The following NRG1 variants were observed in gnomAD, a reference collection of about 807,000 sequenced individuals.
NRG1 encodes neuregulin 1, also known as pro-neuregulin-1, membrane-bound isoform.
A neutral mutation model predicts 63.8 loss-of-function variants in NRG1; 18 were observed. The observed-to-expected ratio is 0.28, with a 90% CI of 0.19 to 0.42. The LOEUF (loss-of-function observed/expected upper bound fraction) is 0.42. NRG1 is among the 10% of genes least tolerant of loss of function. The pLI is 1.00. For synonymous variants in NRG1, 302 were observed against 301.3 expected, an observed-to-expected ratio of 1.00 and a Z score of -0.02; for missense variants, 762 against 814.7, an observed-to-expected ratio of 0.94 and a Z score of 0.79.
intron 1 of NRG1, among the ~76,000 whole-genome samples, chr8:32,000,332 C>T (rs1812715205): frequency 6.6e-6 from 1 of 151,826 alleles, no homozygotes. Context: ...GCCTTAAATA[C>T]CTTGTCCTTG....
chr8:32,746,467 A>G (rs1005720273), intron 7 of NRG1, among the ~76,000 whole-genome samples: 5 of 152,178 alleles, frequency 3.3e-5, no homozygotes, highest in East Asian at 1.9e-4. Flanking sequence ...ATGGATATAT[A>G]ATTTTTGTAA....
chr8:32,546,181 C>T (rs1196048989), upstream of NRG1, among the ~76,000 whole-genome samples: 1 of 152,164 alleles, frequency 6.6e-6, no homozygotes, highest in Non-Finnish European at 1.5e-5. Context: ...ATCGTAGGCT[C>T]TTCCCCTATC....
intron 1 of NRG1, among the ~76,000 whole-genome samples, chr8:32,405,981 A>G (rs540557361): frequency 1.3e-5 from 2 of 152,292 alleles, no homozygotes; most frequent in East Asian, 3.9e-4. Context: ...AAAATAAAAT[A>G]TTTTAGGTAA....
chr8:32,051,373 C>T (rs943836957), intron 1 of NRG1, among the ~76,000 whole-genome samples: 3 of 152,050 alleles, frequency 2.0e-5, no homozygotes, highest in African/African-American at 4.8e-5. Flanking sequence ...TTATGGGGCA[C>T]ATGTGAGATT....
intron 1 of NRG1, among the ~76,000 whole-genome samples, chr8:32,329,772 A>G (rs546223281): frequency 6.6e-6 from 1 of 152,304 alleles, no homozygotes; most frequent in African/African-American, 2.4e-5. Flanking sequence ...TAAGGACACA[A>G]AAATATTTCA....
rs141991494 is a variant in NRG1, at chr8:31,695,295, G to A, written c.37+55864G>A. 8.9e-3 allele frequency among the ~76,000 whole-genome samples: 1,358 copies of A among 152,216 alleles called. 17 individuals are homozygous for A. Among genetic ancestry groups the A allele is most frequent in the African/African-American group, 0.031 (1,288 of 41,522 alleles). On this transcript the variant is annotated intron_variant, in intron 1 of 10. Transcript: ENST00000519301. ...AGTGATTCTTATGCCTCAGCCTCCC[G>A]AGTAGGTGGGATTAGAGGCATGCAC... is the stretch of plus-strand genomic sequence containing the variant.
At chr8:32,249,384 A>G (rs1848878402) in intron 1 of NRG1, among the ~76,000 whole-genome samples, 1 of 152,254 alleles carries the variant, frequency 6.6e-6, no homozygotes, top group East Asian at 1.9e-4. Context: ...CATTTAAGCC[A>G]TGGGTCAAGA....
chr8:32,423,292 G>T (rs1050448082), intron 1 of NRG1, among the ~76,000 whole-genome samples: 2 of 152,194 alleles, frequency 1.3e-5, no homozygotes, highest in African/African-American at 4.8e-5. Flanking sequence ...TTATTACACA[G>T]CCACACACAA....
chr8:32,474,555 C>T (rs1443579876), intron 1 of NRG1, among the ~76,000 whole-genome samples: 1 of 151,412 alleles, frequency 6.6e-6, no homozygotes, highest in East Asian at 1.9e-4. Context: ...GGCAGTGGCA[C>T]CATCTTGGCT....
At chr8:31,972,741 T>G (rs961047611) in intron 1 of NRG1, among the ~76,000 whole-genome samples, 1 of 152,128 alleles carries the variant, frequency 6.6e-6, no homozygotes, top group African/African-American at 2.4e-5. Flanking sequence ...AATACAGGAA[T>G]GGACTCACTC....
chr8:32,340,203 G>A (rs1803884714), intron 1 of NRG1, among the ~76,000 whole-genome samples: 1 of 152,176 alleles, frequency 6.6e-6, no homozygotes, highest in Non-Finnish European at 1.5e-5. Context: ...CAATACACAT[G>A]TAAAAAATAA....
intron 1 of NRG1, among the ~76,000 whole-genome samples, chr8:32,359,421 C>G (rs180933402): frequency 6.6e-6 from 1 of 152,230 alleles, no homozygotes; most frequent in African/African-American, 2.4e-5. Flanking sequence ...CTTGCCCCAT[C>G]ATAGATAAGA....
chr8:32,429,399 CCAAA>C (rs1282671037), intron 1 of NRG1, among the ~76,000 whole-genome samples: 1 of 152,088 alleles, frequency 6.6e-6, no homozygotes, highest in East Asian at 1.9e-4. Flanking sequence ...CCACTTTGGC[CCAAA>C]CACTATGAAG....
chr8:32,342,581 A>C (rs1804210578), intron 1 of NRG1, among the ~76,000 whole-genome samples: 1 of 152,176 alleles, frequency 6.6e-6, no homozygotes, highest in African/African-American at 2.4e-5. Flanking sequence ...CTTAATGCCA[A>C]TGCTGTATTG....
At chr8:32,185,314 T>C (rs887417442) in intron 1 of NRG1, among the ~76,000 whole-genome samples, 1 of 152,202 alleles carries the variant, frequency 6.6e-6, no homozygotes, top group African/African-American at 2.4e-5. Context: ...GAATTCTTTC[T>C]TCCTTAATAG....
intron 1 of NRG1, among the ~76,000 whole-genome samples, chr8:31,691,973 C>G (rs951642126): frequency 6.6e-6 from 1 of 152,134 alleles, no homozygotes; most frequent in Non-Finnish European, 1.5e-5. Context: ...GCTGGGACTA[C>G]AGGGGCACAC....
At chr8:32,057,642 A>G (rs1227131522) in intron 1 of NRG1, among the ~76,000 whole-genome samples, 1 of 152,136 alleles carries the variant, frequency 6.6e-6, no homozygotes, top group African/African-American at 2.4e-5. Flanking sequence ...GGTTTAATAA[A>G]CATGCCCTGT....
intron 1 of NRG1, among the ~76,000 whole-genome samples, chr8:31,959,594 T>A (rs1162391206): frequency 1.3e-5 from 2 of 152,016 alleles, no homozygotes; most frequent in African/African-American, 2.4e-5. Context: ...CTATCCTGAG[T>A]TGAAATAATT....
At chr8:32,076,398 T>C (rs1826553023) in intron 1 of NRG1, among the ~76,000 whole-genome samples, 1 of 149,118 alleles carries the variant, frequency 6.7e-6, no homozygotes, top group African/African-American at 2.5e-5. Context: ...TGATTAGAAG[T>C]GTATTGTTAA....
Sources: gnomAD v4.1 joint callset for allele counts (sites outside exome capture counted in the v4.1 genomes callset) on GRCh38, gnomAD v4.1.1 for gene constraint, MANE v1.5 for transcripts, NCBI Gene and HGNC (gene_info 2026-07-23, HGNC 2026-07-21) for gene names.